SULT1C3: variants seen among roughly 807,000 people sequenced by gnomAD.
SULT1C3 encodes sulfotransferase family 1C member 3.
Under a neutral mutation model 28.4 loss-of-function variants are expected in SULT1C3, and 31 were observed. The ratio of observed to expected loss-of-function variants is 1.09; its 90% CI spans 0.82 to 1.47. The LOEUF (loss-of-function observed/expected upper bound fraction) is 1.47. Ranked by LOEUF, SULT1C3 falls within the 40% of genes most tolerant of loss-of-function variation. The pLI is 0.00. For synonymous variants in SULT1C3, 106 were observed against 92.2 expected (o/e 1.15, Z -0.86); for missense variants, 307 against 272.5 (o/e 1.13, Z -0.89).
At chr2:108,254,826 TACAC>T (rs1247435330) in intron 4 of SULT1C3, among the ~76,000 whole-genome samples, 1 of 129,954 alleles carries the variant, frequency 7.7e-6, no homozygotes, top group African/African-American at 3.5e-5. Flanking sequence ...TGTGTATATA[TACAC>T]ATATATATGT....
intron 6 of SULT1C3, 29 bp from the exon 7 acceptor site, chr2:108,258,937 T>G (rs760086336): frequency 1.3e-6 from 1 of 796,084 alleles, no homozygotes; most frequent in South Asian, 1.6e-5. Flanking sequence ...TTCCTCCCTC[T>G]TCACAATGCC....
chr2:108,244,785 C>T (rs1391899073), intron 1 of SULT1C3, among the ~76,000 whole-genome samples: 1 of 152,136 alleles, frequency 6.6e-6, no homozygotes, highest in East Asian at 1.9e-4. Flanking sequence ...GGTGGTTTCC[C>T]AGGACCTTGC....
chr2:108,263,595 T>A (rs1041683308), downstream of SULT1C3, among the ~76,000 whole-genome samples: 2 of 152,220 alleles, frequency 1.3e-5, no homozygotes, highest in Non-Finnish European at 2.9e-5. Flanking sequence ...GGTCTATTTG[T>A]TCCCAGCAGC....
rs1446788523 is a variant in SULT1C3, at chr2:108,244,293, CT to C, written c.-7-2894del. ...ATCACACTTCTGGGTTCCCTTCCCC[CT>C]AGCTCAACTCTAAGCCAAGCATTTT... On this transcript the variant is annotated intron_variant, in intron 1 of 7. Coordinates refer to ENST00000681802, the MANE Select transcript of SULT1C3 (RefSeq NM_001320878.2). Among the ~76,000 whole-genome samples, 6 of 152,294 alleles carry C rather than the reference CT, an allele frequency of 3.9e-5. No homozygotes were observed. In the East Asian group the frequency reaches 1.2e-3, roughly 29 times the overall value.
intron 7 of SULT1C3, among the ~76,000 whole-genome samples, chr2:108,259,870 C>T (rs1261624617): frequency 6.6e-6 from 1 of 152,102 alleles, no homozygotes; most frequent in African/African-American, 2.4e-5. Context: ...TACCAGTTCT[C>T]CTGGCTGTAT....
Position 108,260,602 on chromosome 2 carries a change from G to T in SULT1C3, c.837G>T (p.Val279=), listed in dbSNP as rs779903902. 3.9e-6 allele frequency: 2 copies of T among 513,028 alleles called. No individual in the cohort carries two copies. The highest frequency in any genetic ancestry group is 7.8e-6 in the Non-Finnish European group (2 of 257,266). The allele number at this position is 513,028 out of a possible 1,614,324, so 31.8% of individuals were successfully genotyped here. A position where few individuals can be genotyped will look rare whatever the true frequency, so the allele number is the denominator to read the frequency against. The change falls in exon 8 of 8, where the codon GTG becomes GTT. Residue 279 remains valine, a synonymous_variant. Coordinates refer to ENST00000681802, the MANE Select transcript of SULT1C3 (RefSeq NM_001320878.2). ...GAGACTGGAAGAACCACTTTACTGT[G>T]GCTTTGAATGAGAACTTTGATAAGC... ...MPGDWKNHFT[V]ALNENFDKHY... is the part of the protein sequence containing the mutation.
At chr2:108,249,878 GA>G (rs1416299278) in intron 2 of SULT1C3, among the ~76,000 whole-genome samples, 1 of 151,994 alleles carries the variant, frequency 6.6e-6, no homozygotes, top group Non-Finnish European at 1.5e-5. Context: ...ATTGTTGATA[GA>G]CATAAATACT....
intron 1 of SULT1C3, among the ~76,000 whole-genome samples, chr2:108,241,636 A>C (rs1558660057): frequency 6.6e-6 from 1 of 152,210 alleles, no homozygotes; most frequent in Non-Finnish European, 1.5e-5. Flanking sequence ...ACAGTTAAAA[A>C]CATGACTGGG....
intron 1 of SULT1C3, among the ~76,000 whole-genome samples, chr2:108,244,023 A>C (rs976809367): frequency 3.3e-5 from 5 of 152,222 alleles, no homozygotes; most frequent in Admixed American, 6.5e-5. Flanking sequence ...CTTGAACCGC[A>C]GACTTGTGGG....
chr2:108,255,922 A>T (rs556767051), intron 5 of SULT1C3, among the ~76,000 whole-genome samples: 4 of 152,200 alleles, frequency 2.6e-5, no homozygotes, highest in Admixed American at 2.0e-4. Context: ...AAAGGTAAAA[A>T]GCCCCAAATC....
chr2:108,243,979 T>C (rs1287640777), intron 1 of SULT1C3, among the ~76,000 whole-genome samples: 3 of 152,210 alleles, frequency 2.0e-5, no homozygotes, highest in South Asian at 2.1e-4. Flanking sequence ...GATGGAGGCC[T>C]GTGGCCAAGT....
chr2:108,244,285 C>G (rs1297021997), intron 1 of SULT1C3, among the ~76,000 whole-genome samples: 1 of 152,114 alleles, frequency 6.6e-6, no homozygotes, highest in Non-Finnish European at 1.5e-5. Context: ...TTCTGGGTTC[C>G]CTTCCCCCTA....
intron 5 of SULT1C3, among the ~76,000 whole-genome samples, chr2:108,258,348 T>G (rs1675929169): frequency 6.6e-6 from 1 of 152,080 alleles, no homozygotes; most frequent in Non-Finnish European, 1.5e-5. Context: ...CTGAGTCTCT[T>G]TTGGAAGAGG....
intron 5 of SULT1C3, 55 bp downstream of exon 5, chr2:108,255,753 C>T (rs896205515): frequency 6.3e-6 from 10 of 1,575,846 alleles, no homozygotes; most frequent in South Asian, 5.9e-5. Flanking sequence ...TAACAATAAG[C>T]ACCTCTGTAA....
intron 2 of SULT1C3, among the ~76,000 whole-genome samples, chr2:108,248,743 AATT>A (rs1454908233): frequency 6.6e-6 from 1 of 152,126 alleles, no homozygotes; most frequent in Non-Finnish European, 1.5e-5. Context: ...GGATGGACAG[AATT>A]TTGGTCCCCA....
chr2:108,241,727 A>G (rs1407079594), intron 1 of SULT1C3, among the ~76,000 whole-genome samples: 2 of 152,174 alleles, frequency 1.3e-5, no homozygotes, highest in Non-Finnish European at 2.9e-5. Flanking sequence ...GGAGATTGAG[A>G]GCATCCTGGC....
chr2:108,254,750 T>C (rs1469695958), intron 4 of SULT1C3, among the ~76,000 whole-genome samples: 1 of 149,118 alleles, frequency 6.7e-6, no homozygotes, highest in African/African-American at 2.5e-5. Flanking sequence ...TATGCATACA[T>C]ATGTATGTAT....
chr2:108,245,821 TC>T (rs1675564809), intron 1 of SULT1C3, among the ~76,000 whole-genome samples: 1 of 152,118 alleles, frequency 6.6e-6, no homozygotes, highest in Non-Finnish European at 1.5e-5. Context: ...TTGAATTTCT[TC>T]CCCAAAAATG....
downstream of SULT1C3, chr2:108,264,834 C>T (rs200821230): frequency 2.0e-4 from 314 of 1,608,392 alleles, no homozygotes; most frequent in Admixed American, 3.4e-4. Context: ...GGACCCAAAG[C>T]GGGAAATTGA....
Sources: allele counts gnomAD v4.1 joint callset (sites outside exome capture counted in the v4.1 genomes callset), GRCh38; gene constraint gnomAD v4.1.1; transcripts MANE v1.5; gene names NCBI Gene and HGNC (gene_info 2026-07-23, HGNC 2026-07-21).